CNTNAP2: variants seen among roughly 807,000 people sequenced by gnomAD.
CNTNAP2 encodes the protein contactin-associated protein-like 2.
Under a neutral mutation model 155.2 loss-of-function variants are expected in CNTNAP2, and 98 were observed. That is an observed-to-expected ratio of 0.63 (90% CI 0.54 to 0.75). The LOEUF is 0.75. Ranked by LOEUF, CNTNAP2 falls within the 30% of genes least tolerant of loss-of-function variation. The probability of loss-of-function intolerance (pLI) is 0.00; values close to 1 mark genes in which losing one functional copy is unlikely to be tolerated. For missense variants in CNTNAP2, 1,727 were observed against 1,688.1 expected (o/e 1.02, Z -0.40); for synonymous variants, 651 against 631.2 (o/e 1.03, Z -0.47).
intron 1 of CNTNAP2, among the ~76,000 whole-genome samples, chr7:146,192,213 G>C (rs1254304859): frequency 6.6e-6 from 1 of 152,092 alleles, no homozygotes; most frequent in East Asian, 1.9e-4. Flanking sequence ...ACTTTATTTA[G>C]TACGTTTAAA....
At chr7:148,061,958 GATAGATAGATAGATA>G (rs1803153561) in intron 15 of CNTNAP2, among the ~76,000 whole-genome samples, 1 of 29,902 alleles carries the variant, frequency 3.3e-5, no homozygotes, top group African/African-American at 1.5e-4. Flanking sequence ...AACAGATATA[GATAGATAGATAGATA>G]GATAGATAGA....
intron 15 of CNTNAP2, among the ~76,000 whole-genome samples, chr7:148,022,366 G>A (rs1802295611): frequency 6.6e-6 from 1 of 151,892 alleles, no homozygotes; most frequent in South Asian, 2.1e-4. Flanking sequence ...CTACTCAGGA[G>A]GCTGAGGCAG....
At chr7:148,144,055 G>C (rs1041497289) in intron 16 of CNTNAP2, among the ~76,000 whole-genome samples, 9 of 152,116 alleles carry the variant, frequency 5.9e-5, no homozygotes, top group African/African-American at 2.2e-4. Flanking sequence ...GGCAAAATCC[G>C]GTTAGCTCAC....
intron 11 of CNTNAP2, among the ~76,000 whole-genome samples, chr7:147,541,329 T>C (rs1413179248): frequency 6.6e-6 from 1 of 152,196 alleles, no homozygotes; most frequent in Non-Finnish European, 1.5e-5. Context: ...TAAGCCTCAC[T>C]TTCCTCCTTT....
intron 21 of CNTNAP2, among the ~76,000 whole-genome samples, chr7:148,370,898 C>A (rs1282090319): frequency 6.6e-6 from 1 of 152,184 alleles, no homozygotes; most frequent in Admixed American, 6.5e-5. Flanking sequence ...AGAGTCTTCT[C>A]TTCCCCACAT....
chr7:146,171,330 G>A (rs769723733), intron 1 of CNTNAP2, among the ~76,000 whole-genome samples: 13 of 151,992 alleles, frequency 8.6e-5, no homozygotes, highest in Non-Finnish European at 1.8e-4. Flanking sequence ...AAATTTAATT[G>A]TATTTCTTTG....
intron 1 of CNTNAP2, chr7:146,195,212 C>T (rs1008272777): frequency 1.3e-5 from 2 of 152,142 alleles, no homozygotes; most frequent in South Asian, 4.1e-4. Context: ...ACAAGGGATG[C>T]ATTTTTAAGA....
intron 15 of CNTNAP2, among the ~76,000 whole-genome samples, chr7:147,998,126 T>G (rs1183680959): frequency 2.2e-4 from 31 of 138,586 alleles, no homozygotes; most frequent in Non-Finnish European, 2.9e-4. Context: ...TTTTTTTTTT[T>G]TTTGAGACGG....
intron 1 of CNTNAP2, among the ~76,000 whole-genome samples, chr7:146,262,878 A>T (rs1447765163): frequency 6.6e-6 from 1 of 152,230 alleles, no homozygotes; most frequent in Non-Finnish European, 1.5e-5. Flanking sequence ...TTGGGAATAT[A>T]TATAAGAATC....
At chr7:146,638,476 CTTTTTTTTTT>C (rs879600389) in intron 1 of CNTNAP2, among the ~76,000 whole-genome samples, 1 of 64,330 alleles carries the variant, frequency 1.6e-5, no homozygotes. Context: ...TCAGGTGTTT[CTTTTTTTTTT>C]TTTTTTTTTT....
At chr7:147,930,347 A>C (rs1169529218) in intron 14 of CNTNAP2, among the ~76,000 whole-genome samples, 1 of 152,210 alleles carries the variant, frequency 6.6e-6, no homozygotes, top group Non-Finnish European at 1.5e-5. Context: ...ACTCACTTTA[A>C]GTTTAAAGAC....
intron 21 of CNTNAP2, among the ~76,000 whole-genome samples, chr7:148,284,417 G>C (rs1797046169): frequency 6.6e-6 from 1 of 151,882 alleles, no homozygotes; most frequent in African/African-American, 2.4e-5. Flanking sequence ...TGATTATGAG[G>C]CCTCCCCAGC....
intron 4 of CNTNAP2, among the ~76,000 whole-genome samples, chr7:147,053,162 G>T (rs6980283): frequency 0.24 from 35,821 of 151,898 alleles, 5,241 homozygotes; most frequent in African/African-American, 0.4. Flanking sequence ...CACATAATTT[G>T]GGTATAAGCC....
At chr7:148,173,624 C>G (rs746333580) in intron 18 of CNTNAP2, among the ~76,000 whole-genome samples, 15 of 152,214 alleles carry the variant, frequency 9.9e-5, no homozygotes, top group Non-Finnish European at 1.9e-4. Flanking sequence ...GAAAGGAACA[C>G]CATTGCAGAA....
intron 11 of CNTNAP2, among the ~76,000 whole-genome samples, chr7:147,515,339 T>TTC (rs1799102640): frequency 6.8e-6 from 1 of 148,104 alleles, no homozygotes; most frequent in Admixed American, 6.7e-5. Context: ...GTTTGTTTGT[T>TTC]TTGAGACAAG....
intron 21 of CNTNAP2, among the ~76,000 whole-genome samples, chr7:148,308,565 A>G (rs967069883): frequency 1.3e-5 from 2 of 150,054 alleles, no homozygotes; most frequent in Non-Finnish European, 3.0e-5. Context: ...TTATTTATTT[A>G]TTTATTTATT....
chr7:146,443,243 AATAAATAAATAAATAG>A (rs1197369942), intron 1 of CNTNAP2, among the ~76,000 whole-genome samples: 2 of 150,584 alleles, frequency 1.3e-5, no homozygotes, highest in African/African-American at 4.9e-5. Flanking sequence ...TAAATAAATA[AATAAATAAATAAATAG>A]ATAAATAAAA....
At chr7:146,818,637 A>G (rs1803219967) in intron 2 of CNTNAP2, among the ~76,000 whole-genome samples, 1 of 152,124 alleles carries the variant, frequency 6.6e-6, no homozygotes, top group Non-Finnish European at 1.5e-5. Context: ...TAAACTCTGG[A>G]AGATTTTGTT....
intron 1 of CNTNAP2, among the ~76,000 whole-genome samples, chr7:146,262,968 G>A (rs959697686): frequency 6.6e-6 from 1 of 152,124 alleles, no homozygotes; most frequent in African/African-American, 2.4e-5. Context: ...ACAAAGTGGT[G>A]GGCTTGTGGG....
Sources: gnomAD v4.1 joint callset for allele counts (sites outside exome capture counted in the v4.1 genomes callset) on GRCh38, gnomAD v4.1.1 for gene constraint, MANE v1.5 for transcripts, NCBI Gene and HGNC (gene_info 2026-07-23, HGNC 2026-07-21) for gene names.